Variants in OPCML observed in about 807,000 individuals in gnomAD.
The protein encoded by OPCML is opioid binding protein/cell adhesion molecule like, also known as opioid-binding protein/cell adhesion molecule.
Under a neutral mutation model 37.8 loss-of-function variants are expected in OPCML, and 13 were observed. The ratio of observed to expected loss-of-function variants is 0.34; its 90% CI spans 0.22 to 0.55. OPCML has a LOEUF of 0.55. Among genes scored for constraint, OPCML ranks in the 20% least tolerant of loss-of-function variants. The pLI is 0.91. For missense variants in OPCML, 341 were observed against 435.6 expected (o/e 0.78, Z 1.93); for synonymous variants, 176 against 168.8 (o/e 1.04, Z -0.33).
intron 1 of OPCML, among the ~76,000 whole-genome samples, chr11:133,101,735 G>C (rs953903564): frequency 6.6e-6 from 1 of 152,096 alleles, no homozygotes; most frequent in African/African-American, 2.4e-5. Flanking sequence ...AAAATGAATT[G>C]AAAACTTATG....
At chr11:132,568,796 T>G (rs1423400171) in intron 3 of OPCML, among the ~76,000 whole-genome samples, 1 of 152,156 alleles carries the variant, frequency 6.6e-6, no homozygotes, top group African/African-American at 2.4e-5. Flanking sequence ...CCTGTGAAAC[T>G]AACGCAGCTG....
chr11:132,789,609 G>T (rs931837623), intron 2 of OPCML, among the ~76,000 whole-genome samples: 2 of 152,192 alleles, frequency 1.3e-5, no homozygotes, highest in African/African-American at 4.8e-5. Context: ...GTTGAGGTCT[G>T]AACCTAGAGG....
At chr11:133,019,405 A>G (rs7110728) in intron 1 of OPCML, among the ~76,000 whole-genome samples, 100,877 of 152,028 alleles carry the variant, frequency 0.66, 33,996 homozygotes, top group East Asian at 0.81. Context: ...GAGAGAAGTG[A>G]GGTCAGGCGG....
intron 4 of OPCML, among the ~76,000 whole-genome samples, chr11:132,464,199 G>C (rs1323295007): frequency 1.3e-5 from 2 of 152,130 alleles, no homozygotes; most frequent in Non-Finnish European, 2.9e-5. Flanking sequence ...CTTCCAAAAA[G>C]TGCTTGTGTC....
chr11:133,208,786 A>T lies in OPCML; in HGVS notation c.62-265776T>A, dbSNP rs1939227878. On this transcript the variant is annotated intron_variant, in intron 1 of 7. Transcript: ENST00000524381. This position sits in a 1 kb window ranked among gnomAD's most constrained non-coding sequence, Gnocchi z 8.9. The stretch of plus-strand genomic sequence containing the variant: ...GGCCCTTCTCTAGGACCAAAGGGAT[A>T]CACCAAGTGCTGGAGTGAAGATATA... 6.6e-6 allele frequency among the ~76,000 whole-genome samples: 1 copy of T among 152,156 alleles called. No individual in the cohort carries two copies. The highest frequency in any genetic ancestry group is 2.4e-5 in the African/African-American group (1 of 41,420).
chr11:132,789,748 C>T (rs540689375), intron 2 of OPCML, among the ~76,000 whole-genome samples: 4 of 152,250 alleles, frequency 2.6e-5, no homozygotes, highest in East Asian at 1.9e-4. Flanking sequence ...AAGATTATCT[C>T]GTAAACTGTT....
At chr11:133,392,702 G>A (rs1264193439) in intron 1 of OPCML, among the ~76,000 whole-genome samples, 1 of 152,214 alleles carries the variant, frequency 6.6e-6, no homozygotes, top group Non-Finnish European at 1.5e-5. Flanking sequence ...AGATTAAGGG[G>A]AGAAAACCAA....
chr11:133,038,791 C>CT (rs1375368254), intron 1 of OPCML, among the ~76,000 whole-genome samples: 6 of 150,126 alleles, frequency 4.0e-5, no homozygotes, highest in African/African-American at 1.5e-4. Context: ...TGATCCCCCT[C>CT]TTATTCTTCT....
At chr11:133,112,310 AGGG>A (rs371020936) in intron 1 of OPCML, among the ~76,000 whole-genome samples, 2,500 of 91,068 alleles carry the variant, frequency 0.027, 26 homozygotes, top group Middle Eastern at 0.07. Context: ...AAAAAAAAAA[AGGG>A]GAAAGAAACA....
chr11:132,476,593 A>T (rs1248514083), intron 4 of OPCML, among the ~76,000 whole-genome samples: 1 of 152,174 alleles, frequency 6.6e-6, no homozygotes, highest in Non-Finnish European at 1.5e-5. Flanking sequence ...CACAAGGACA[A>T]AAACCCAAAC....
chr11:132,917,182 C>T (rs543590357), intron 2 of OPCML, among the ~76,000 whole-genome samples: 35 of 152,264 alleles, frequency 2.3e-4, no homozygotes, highest in Non-Finnish European at 4.0e-4. Context: ...GACACCGTAA[C>T]GAGGATTTAA....
At chr11:132,654,092 A>G (rs537632299) in intron 3 of OPCML, among the ~76,000 whole-genome samples, 4 of 152,238 alleles carry the variant, frequency 2.6e-5, no homozygotes, top group Non-Finnish European at 5.9e-5. Flanking sequence ...AAATTAATCT[A>G]TAGACTGGAC....
At chr11:132,609,072 T>C (rs534587682) in intron 3 of OPCML, among the ~76,000 whole-genome samples, 23 of 152,068 alleles carry the variant, frequency 1.5e-4, no homozygotes, top group African/African-American at 5.5e-4. Flanking sequence ...GAGTGACTTT[T>C]TTAATACACC....
intron 1 of OPCML, among the ~76,000 whole-genome samples, chr11:133,491,337 C>T (rs895209767): frequency 2.6e-5 from 4 of 152,114 alleles, no homozygotes; most frequent in African/African-American, 9.7e-5. Context: ...TGTCTCTTTC[C>T]ACTCATTTTT....
chr11:132,994,426 C>G (rs967799418), intron 1 of OPCML, among the ~76,000 whole-genome samples: 6 of 152,168 alleles, frequency 3.9e-5, no homozygotes, highest in Non-Finnish European at 5.9e-5. Flanking sequence ...GCGGCCTCAC[C>G]GGAGGAGCTG....
intron 1 of OPCML, among the ~76,000 whole-genome samples, chr11:133,092,753 A>G (rs1948927479): frequency 6.6e-6 from 1 of 152,054 alleles, no homozygotes; most frequent in African/African-American, 2.4e-5. Flanking sequence ...AAAACTCAAG[A>G]GCTGTTAATT....
intron 1 of OPCML, among the ~76,000 whole-genome samples, chr11:133,086,315 G>A (rs1161145303): frequency 6.6e-6 from 1 of 152,074 alleles, no homozygotes; most frequent in East Asian, 1.9e-4. Context: ...AACATAAAAT[G>A]TGATGTGATT....
At chr11:133,168,387 A>G (rs1487645352) in intron 1 of OPCML, among the ~76,000 whole-genome samples, 1 of 152,108 alleles carries the variant, frequency 6.6e-6, no homozygotes, top group African/African-American at 2.4e-5. Flanking sequence ...TTATGCCAAT[A>G]TGGTCCTGTT....
chr11:133,213,037 T>G (rs1329527982), intron 1 of OPCML, among the ~76,000 whole-genome samples: 1 of 152,152 alleles, frequency 6.6e-6, no homozygotes, highest in East Asian at 1.9e-4. Context: ...AGAAAGTTGT[T>G]CTGCAGCCAG....
Sources: gnomAD v4.1 joint callset for allele counts (sites outside exome capture counted in the v4.1 genomes callset) on GRCh38, gnomAD v4.1.1 for gene constraint, Gnocchi (gnomAD v3.1) non-coding constraint, MANE v1.5 for transcripts, NCBI Gene and HGNC (gene_info 2026-07-23, HGNC 2026-07-21) for gene names.